BMPR1B: variants seen among roughly 807,000 people sequenced by gnomAD.
BMPR1B encodes the protein bone morphogenetic protein receptor type-1B.
A neutral mutation model predicts 59.1 loss-of-function variants in BMPR1B; 12 were observed. The observed-to-expected ratio is 0.20, with a 90% confidence interval of 0.13 to 0.33. The LOEUF (loss-of-function observed/expected upper bound fraction) is 0.33. Among genes scored for constraint, BMPR1B ranks in the 10% least tolerant of loss-of-function variants. BMPR1B has a pLI of 1.00. For synonymous variants in BMPR1B, 237 were observed against 207.3 expected (o/e 1.14, Z -1.23); for missense variants, 550 against 610.9 (o/e 0.90, Z 1.05).
In BMPR1B at chr4:95,135,858, T is replaced by G. The variant is rs1733738349; in HGVS notation, c.1076+4346T>G. 2.0e-5 allele frequency among the ~76,000 whole-genome samples: 3 copies of G among 152,208 alleles called. No individual in the cohort carries two copies. In the South Asian group the frequency reaches 6.2e-4, roughly 32 times the overall value. On this transcript the variant is annotated intron_variant, in intron 10 of 12. Coordinates refer to ENST00000515059, the MANE Select transcript of BMPR1B (RefSeq NM_001203.3). ...TCCTAATTGAATACCCTTTATTTCTTTCTCCTGCTGGATTGCTTTGGCCAG... is the reference window on the plus strand; with the variant it reads ...TCCTAATTGAATACCCTTTATTTCTGTCTCCTGCTGGATTGCTTTGGCCAG...
At chr4:94,865,861 G>A (rs1469148200) in intron 1 of BMPR1B, among the ~76,000 whole-genome samples, 2 of 151,986 alleles carry the variant, frequency 1.3e-5, no homozygotes, top group African/African-American at 4.8e-5. Context: ...AGATGATGGT[G>A]GCATAGGATA....
At chr4:94,826,651 T>C (rs539566123) in intron 1 of BMPR1B, among the ~76,000 whole-genome samples, 2 of 112,492 alleles carry the variant, frequency 1.8e-5, no homozygotes, top group East Asian at 4.6e-4. Flanking sequence ...TGGAATGTTC[T>C]ATACATTAAT....
chr4:94,935,822 C>T (rs550893684), intron 2 of BMPR1B, among the ~76,000 whole-genome samples: 7 of 151,980 alleles, frequency 4.6e-5, no homozygotes, highest in South Asian at 2.1e-4. Context: ...AAAATGTTAG[C>T]GGGGAGAACA....
At position 95,130,001 on chromosome 4, in the gene BMPR1B, T is replaced by A. The variant is rs754133041; in HGVS notation, c.725T>A (p.Phe242Tyr). 5 of 1,613,986 alleles carry A rather than the reference T, an allele frequency of 3.1e-6. No individual in the cohort carries two copies. The highest frequency in any genetic ancestry group is 3.4e-6 in the Non-Finnish European group (4 of 1,179,924). ...TTCACCACAGAGGAAGCCAGCTGGT[T>A]CAGAGAGACAGAAATATATCAGACA... ...VFFTTEEASW[F>Y]RETEIYQTVL... Residue 242 changes from phenylalanine (F) to tyrosine (Y), a missense_variant, in exon 9 of 13, where the codon TTC becomes TAC. Physicochemically the swap from Phe to Tyr is conservative, Grantham distance 22. Coordinates refer to ENST00000515059, the MANE Select transcript of BMPR1B (RefSeq NM_001203.3).
intron 2 of BMPR1B, among the ~76,000 whole-genome samples, chr4:94,950,785 T>C (rs2149054241): frequency 1.3e-5 from 2 of 152,290 alleles, no homozygotes; most frequent in South Asian, 4.1e-4. Context: ...CTTTTTTTGG[T>C]TCCATATGAA....
At chr4:94,936,932 C>T (rs193261365) in intron 2 of BMPR1B, among the ~76,000 whole-genome samples, 1 of 152,184 alleles carries the variant, frequency 6.6e-6, no homozygotes, top group East Asian at 1.9e-4. Flanking sequence ...TCCAAACTGT[C>T]TACCATTTCA....
intron 1 of BMPR1B, among the ~76,000 whole-genome samples, chr4:94,845,586 C>G (rs1180432717): frequency 1.3e-5 from 2 of 152,192 alleles, no homozygotes; most frequent in Admixed American, 6.5e-5. Context: ...TTGTGAGCCA[C>G]TCGCCTGGGC....
intron 2 of BMPR1B, among the ~76,000 whole-genome samples, chr4:94,916,638 A>G (rs1276111405): frequency 2.0e-5 from 3 of 152,234 alleles, no homozygotes; most frequent in African/African-American, 7.2e-5. Flanking sequence ...TGGAATTTAT[A>G]TTTCAACAGG....
intron 1 of BMPR1B, among the ~76,000 whole-genome samples, chr4:94,850,595 A>G (rs906858765): frequency 6.6e-6 from 1 of 152,110 alleles, no homozygotes; most frequent in Non-Finnish European, 1.5e-5. Flanking sequence ...GTTCATAAAA[A>G]TAGAAAATCT....
At chr4:94,955,327 G>A (rs1730101489) in intron 2 of BMPR1B, among the ~76,000 whole-genome samples, 1 of 152,108 alleles carries the variant, frequency 6.6e-6, no homozygotes, top group African/African-American at 2.4e-5. Flanking sequence ...GATTACTTAA[G>A]CTTAATATAC....
At chr4:94,960,647 A>G (rs761887746) in intron 2 of BMPR1B, among the ~76,000 whole-genome samples, 1 of 152,118 alleles carries the variant, frequency 6.6e-6, no homozygotes, top group Non-Finnish European at 1.5e-5. Context: ...GACAGAAGGA[A>G]AACAGTTTAT....
chr4:95,083,555 C>G (rs1168094452), intron 3 of BMPR1B, among the ~76,000 whole-genome samples: 1 of 152,098 alleles, frequency 6.6e-6, no homozygotes, highest in African/African-American at 2.4e-5. Context: ...GCGAAAGGAA[C>G]TGGAAATATT....
rs1215939344 is a variant in BMPR1B, at chr4:94,770,182, G to GTTTTTTTTTTTTTTTTTT, written c.-183+12117_-183+12118insTTTTTTTTTTTTTTTTTT. On this transcript the variant is annotated intron_variant, in intron 1 of 12. Transcript: ENST00000515059. ...TGTTTGAATTGTCCTTCGTTTCTGTGTTTGTTTTTTTTTTTTTTTTTTGCG... is the reference window on the plus strand; with the variant it reads ...TGTTTGAATTGTCCTTCGTTTCTGTGTTTTTTTTTTTTTTTTTTTTTGTTTTTTTTTTTTTTTTTTGCG... Among the ~76,000 whole-genome samples the GTTTTTTTTTTTTTTTTTT allele has an allele frequency of 6.5e-4, 26 of 39,986 alleles. 3 individuals carry two copies. Among genetic ancestry groups the GTTTTTTTTTTTTTTTTTT allele is most frequent in the Non-Finnish European group, 7.8e-4 (16 of 20,542 alleles). 26.2% of individuals were successfully genotyped at this position (39,986 alleles called of 152,430 possible). A position where few individuals can be genotyped will look rare whatever the true frequency, so the allele number is the denominator to read the frequency against.
intron 6 of BMPR1B, among the ~76,000 whole-genome samples, chr4:95,116,137 A>G (rs1166541340): frequency 1.3e-5 from 2 of 152,108 alleles, no homozygotes; most frequent in Admixed American, 6.6e-5. Context: ...CCATTTGTCT[A>G]TATTTATTTT....
chr4:95,015,979 C>T (rs1723559644), intron 3 of BMPR1B, among the ~76,000 whole-genome samples: 1 of 152,160 alleles, frequency 6.6e-6, no homozygotes, highest in African/African-American at 2.4e-5. Flanking sequence ...GCGTGAGCCA[C>T]CGCGCCGGCT....
At position 95,156,093 on chromosome 4, in the gene BMPR1B, A is replaced by T. The variant is rs1375708624; in HGVS notation, c.*1420A>T. The T allele has an allele frequency of 1.3e-5, 2 of 152,190 alleles. No homozygotes were observed. The highest frequency in any genetic ancestry group is 2.9e-5 in the Non-Finnish European group (2 of 68,026). The allele number at this position is 152,190 out of a possible 1,614,324, so 9.4% of individuals were successfully genotyped here. On this transcript the variant is annotated 3_prime_UTR_variant, in exon 13 of 13. Coordinates refer to ENST00000515059, the MANE Select transcript of BMPR1B (RefSeq NM_001203.3). ...TTCTCTTCTGTGGCACTTATACAAAATATCTCTTCACCTACTTAGTTCTAC... is the reference window on the plus strand; with the variant it reads ...TTCTCTTCTGTGGCACTTATACAAATTATCTCTTCACCTACTTAGTTCTAC...
rs1407017065 is a variant in BMPR1B at position 94,902,077 on chromosome 4, GT to G, written c.-113+26178del. On this transcript the variant is annotated intron_variant, in intron 2 of 12. Transcript: ENST00000515059. ...TGTGTGTGTGTGTGTGTGTGTGTGT[GT>G]GTGTGTGTGGGGTGTATTTAAAGGA... Among the ~76,000 whole-genome samples the G allele has an allele frequency of 2.7e-3, 367 of 136,868 alleles. 1 individual carries two copies. The highest frequency in any genetic ancestry group is 4.9e-3 in the Non-Finnish European group (300 of 61,692). 89.8% of individuals were successfully genotyped at this position (136,868 alleles called of 152,430 possible).
At chr4:95,035,773 G>A (rs1449555839) in intron 3 of BMPR1B, among the ~76,000 whole-genome samples, 2 of 152,026 alleles carry the variant, frequency 1.3e-5, no homozygotes, top group African/African-American at 2.4e-5. Context: ...ACTCTTTTGT[G>A]GTTCCATATG....
intron 1 of BMPR1B, among the ~76,000 whole-genome samples, chr4:94,766,677 T>G (rs1245931918): frequency 6.6e-6 from 1 of 151,896 alleles, no homozygotes; most frequent in African/African-American, 2.4e-5. Context: ...TTAATTTTAT[T>G]ATTATTATTA....
Sources: allele counts gnomAD v4.1 joint callset (sites outside exome capture counted in the v4.1 genomes callset), GRCh38; gene constraint gnomAD v4.1.1; transcripts MANE v1.5; gene names NCBI Gene and HGNC (gene_info 2026-07-23, HGNC 2026-07-21).